Variants in KCNQ5 observed in about 807,000 individuals in gnomAD.
The protein encoded by KCNQ5 is potassium voltage-gated channel subfamily Q member 5, also known as potassium voltage-gated channel subfamily KQT member 5.
A neutral mutation model predicts 98.2 loss-of-function variants in KCNQ5; 30 were observed. That is an observed-to-expected ratio of 0.31 (90% CI 0.23 to 0.41). KCNQ5 has a LOEUF of 0.41. Among genes scored for constraint, KCNQ5 ranks in the 10% least tolerant of loss-of-function variants. The pLI, the probability that KCNQ5 is intolerant of heterozygous loss-of-function variation, is 1.00. For synonymous variants in KCNQ5, 458 were observed against 449.4 expected, an observed-to-expected ratio of 1.02 and a Z score of -0.24; for missense variants, 835 against 1,182.5, an observed-to-expected ratio of 0.71 and a Z score of 4.31.
At position 73,195,864 on chromosome 6, in the gene KCNQ5, C is replaced by T. The variant is rs1195354823; in HGVS notation, c.*450C>T. On this transcript the variant is annotated 3_prime_UTR_variant, in exon 14 of 14. Transcript: ENST00000370398. ...CTATCAACAGCTGCTAATAAGGTATCAACTAAAGCAGAATTGGGGAATAAT... is the reference window on the plus strand; with the variant it reads ...CTATCAACAGCTGCTAATAAGGTATTAACTAAAGCAGAATTGGGGAATAAT... 6.1e-6 allele frequency: 1 copy of T among 163,348 alleles called. No homozygotes were observed. The highest frequency in any genetic ancestry group is 1.4e-5 in the Non-Finnish European group (1 of 73,262). 10.1% of individuals were successfully genotyped at this position (163,348 alleles called of 1,614,324 possible).
At chr6:73,036,060 G>T (rs1038997379) in intron 2 of KCNQ5, among the ~76,000 whole-genome samples, 1 of 150,266 alleles carries the variant, frequency 6.7e-6, no homozygotes, top group East Asian at 2.0e-4. Flanking sequence ...ATCACTTGCA[G>T]AGATTAGTAT....
chr6:72,743,168 A>G (rs1305129181), intron 1 of KCNQ5, among the ~76,000 whole-genome samples: 2 of 152,210 alleles, frequency 1.3e-5, no homozygotes, highest in South Asian at 2.1e-4. Context: ...AGCAGCAGCC[A>G]TTAAATACTT....
chr6:72,709,773 A>G (rs138195750), intron 1 of KCNQ5, among the ~76,000 whole-genome samples: 1 of 152,318 alleles, frequency 6.6e-6, no homozygotes, highest in Non-Finnish European at 1.5e-5. Flanking sequence ...AGAAAACAGT[A>G]AGAATCAAAT....
At chr6:72,882,105 G>A (rs530459162) in intron 1 of KCNQ5, among the ~76,000 whole-genome samples, 5 of 152,300 alleles carry the variant, frequency 3.3e-5, no homozygotes, top group Admixed American at 2.0e-4. Context: ...ATGGAAATGA[G>A]TAAATTTATC....
At chr6:72,630,088 A>G (rs2098919985) in intron 1 of KCNQ5, among the ~76,000 whole-genome samples, 1 of 152,202 alleles carries the variant, frequency 6.6e-6, no homozygotes, top group South Asian at 2.1e-4. Context: ...AAGCACATAC[A>G]TACTGTTATC....
intron 1 of KCNQ5, among the ~76,000 whole-genome samples, chr6:72,824,785 CTGTGTG>C (rs35336711): frequency 9.4e-4 from 142 of 150,838 alleles, no homozygotes; most frequent in Admixed American, 2.6e-3. Flanking sequence ...TTCTCTGTCT[CTGTGTG>C]TGTGTGTGTG....
intron 1 of KCNQ5, among the ~76,000 whole-genome samples, chr6:72,651,194 G>A (rs1765859554): frequency 6.6e-6 from 1 of 152,056 alleles, no homozygotes; most frequent in Non-Finnish European, 1.5e-5. Flanking sequence ...CATCTGTGAA[G>A]TCCCTAAGTG....
intron 1 of KCNQ5, among the ~76,000 whole-genome samples, chr6:72,861,316 A>T (rs1410628287): frequency 1.1e-4 from 1 of 9,046 alleles, no homozygotes; most frequent in Non-Finnish European, 2.6e-4. Context: ...CCTTTAAAGG[A>T]TTATTTAAAC....
At chr6:73,017,383 G>A (rs1347621515) in intron 2 of KCNQ5, among the ~76,000 whole-genome samples, 1 of 152,092 alleles carries the variant, frequency 6.6e-6, no homozygotes, top group Admixed American at 6.5e-5. Context: ...TTACAAATGA[G>A]ATGATCAAAA....
intron 1 of KCNQ5, among the ~76,000 whole-genome samples, chr6:72,879,366 A>G (rs147889439): frequency 1.3e-5 from 2 of 152,224 alleles, no homozygotes; most frequent in East Asian, 1.9e-4. Flanking sequence ...CACTCCCTTC[A>G]TTACAAATGA....
intron 1 of KCNQ5, among the ~76,000 whole-genome samples, chr6:72,892,598 G>A (rs1779099636): frequency 6.6e-6 from 1 of 152,012 alleles, no homozygotes; most frequent in African/African-American, 2.4e-5. Flanking sequence ...AGAAATGCCT[G>A]GGAGCTATTA....
At chr6:72,818,663 T>C (rs1316182156) in intron 1 of KCNQ5, among the ~76,000 whole-genome samples, 1 of 151,550 alleles carries the variant, frequency 6.6e-6, no homozygotes, top group East Asian at 1.9e-4. Flanking sequence ...TTAACCCTTG[T>C]GTTAACAATT....
At position 72,622,089 on chromosome 6, in the gene KCNQ5, C is replaced by T. The variant is rs369994615; in HGVS notation, c.-101C>T. 1.0e-5 allele frequency: 11 copies of T among 1,061,076 alleles called. No homozygotes were observed. The highest frequency in any genetic ancestry group is 9.7e-5 in the South Asian group (2 of 20,686). The allele number at this position is 1,061,076 out of a possible 1,614,324, so 65.7% of individuals were successfully genotyped here. A position where few individuals can be genotyped will look rare whatever the true frequency, so the allele number is the denominator to read the frequency against. ...AGAGGTCTCTGGCTGGCGGGCGCCC[C>T]GTCGGCCGCCGGCTTCCTCCTTGAA... On this transcript the variant is annotated 5_prime_UTR_variant, in exon 1 of 14. Transcript: ENST00000370398. This position sits in a 1 kb window ranked among gnomAD's most constrained non-coding sequence, Gnocchi z 6.0.
chr6:73,018,305 G>A (rs1414614067), intron 2 of KCNQ5, among the ~76,000 whole-genome samples: 1 of 152,054 alleles, frequency 6.6e-6, no homozygotes, highest in African/African-American at 2.4e-5. Context: ...TGGATGCCCA[G>A]GGTCACTGTA....
intron 3 of KCNQ5, among the ~76,000 whole-genome samples, chr6:73,069,020 C>A (rs1186476195): frequency 6.6e-6 from 1 of 152,110 alleles, no homozygotes; most frequent in Non-Finnish European, 1.5e-5. Context: ...CCAACATTGA[C>A]AATTCATTTT....
At chr6:72,947,112 A>G (rs960063890) in intron 1 of KCNQ5, among the ~76,000 whole-genome samples, 2 of 152,186 alleles carry the variant, frequency 1.3e-5, no homozygotes, top group African/African-American at 2.4e-5. Context: ...TTGAGCTCAC[A>G]GGGCCTTCTA....
chr6:72,776,015 T>C (rs924641257), intron 1 of KCNQ5, among the ~76,000 whole-genome samples: 1 of 152,222 alleles, frequency 6.6e-6, no homozygotes, highest in South Asian at 2.1e-4. Flanking sequence ...TCATTAATTA[T>C]GACACAGGTA....
chr6:72,623,327 A>C (rs942395998), intron 1 of KCNQ5, among the ~76,000 whole-genome samples: 1 of 151,568 alleles, frequency 6.6e-6, no homozygotes, highest in Non-Finnish European at 1.5e-5. Flanking sequence ...AGAAGCGCAA[A>C]TGGGTCGCCT....
chr6:72,822,506 C>A (rs1294800783), intron 1 of KCNQ5, among the ~76,000 whole-genome samples: 1 of 152,174 alleles, frequency 6.6e-6, no homozygotes, highest in Admixed American at 6.5e-5. Flanking sequence ...CTAAAAACCA[C>A]AAAGTATAAA....
Sources: allele counts gnomAD v4.1 joint callset (sites outside exome capture counted in the v4.1 genomes callset), GRCh38; gene constraint gnomAD v4.1.1; non-coding constraint Gnocchi (gnomAD v3.1); transcripts MANE v1.5; gene names NCBI Gene and HGNC (gene_info 2026-07-23, HGNC 2026-07-21).